Variants in GRID2 observed in about 807,000 individuals in gnomAD.
GRID2 encodes the protein glutamate ionotropic receptor delta type subunit 2.
Under a neutral mutation model 114.8 loss-of-function variants are expected in GRID2, and 33 were observed. That is an observed-to-expected ratio of 0.29 (90% CI 0.22 to 0.38). GRID2 has a LOEUF of 0.38. Among genes scored for constraint, GRID2 ranks in the 10% least tolerant of loss-of-function variants. The pLI, the probability that GRID2 is intolerant of heterozygous loss-of-function variation, is 1.00. For synonymous variants in GRID2, 505 were observed against 449.9 expected (o/e 1.12, Z -1.55); for missense variants, 1,184 against 1,257.7 (o/e 0.94, Z 0.89).
rs201135640 is a variant in GRID2, at chr4:93,632,850, C to A, written c.2360+6415C>A. The stretch of plus-strand genomic sequence containing the variant: ...GATGTTGATTCTTCCTACCCATGAG[C>A]ATGGAATGTTCTTCCATTTGTTTGT... On this transcript the variant is annotated intron_variant, in intron 14 of 15. Transcript: ENST00000282020. Among the ~76,000 whole-genome samples, 10 of 152,270 alleles carry A rather than the reference C, an allele frequency of 6.6e-5. No individual in the cohort carries two copies. The East Asian group carries it at 1.9e-3, about 29-fold the overall frequency.
intron 1 of GRID2, among the ~76,000 whole-genome samples, chr4:92,530,912 G>T (rs568512476): frequency 1.5e-4 from 23 of 151,590 alleles, no homozygotes; most frequent in Non-Finnish European, 2.5e-4. Flanking sequence ...ATCTTGGCGG[G>T]GGGGGAGAAA....
chr4:93,469,758 T>G (rs1266594693), intron 11 of GRID2, among the ~76,000 whole-genome samples: 2 of 152,100 alleles, frequency 1.3e-5, no homozygotes, highest in Admixed American at 6.5e-5. Flanking sequence ...TTGAAAATGA[T>G]GTACAGTTCT....
intron 1 of GRID2, among the ~76,000 whole-genome samples, chr4:92,533,411 T>C (rs1357841453): frequency 6.6e-6 from 1 of 151,944 alleles, no homozygotes; most frequent in Non-Finnish European, 1.5e-5. Flanking sequence ...TTAAAAGAGA[T>C]ATTGTGAAAA....
At chr4:93,297,986 C>A (rs1162341961) in intron 8 of GRID2, among the ~76,000 whole-genome samples, 2 of 152,080 alleles carry the variant, frequency 1.3e-5, no homozygotes, top group African/African-American at 4.8e-5. Flanking sequence ...TTATTTAAGT[C>A]CTAGACTTTG....
intron 2 of GRID2, among the ~76,000 whole-genome samples, chr4:92,782,239 T>C (rs1171567795): frequency 1.3e-5 from 2 of 152,068 alleles, no homozygotes; most frequent in Admixed American, 6.6e-5. Context: ...ATTTGGGGTT[T>C]ATTGGTACTT....
intron 2 of GRID2, among the ~76,000 whole-genome samples, chr4:93,070,333 GT>G (rs988606863): frequency 2.5e-4 from 38 of 151,998 alleles, no homozygotes; most frequent in African/African-American, 6.0e-4. Flanking sequence ...TGCATAGACA[GT>G]TTTTTTTCCC....
intron 8 of GRID2, among the ~76,000 whole-genome samples, chr4:93,349,553 C>T (rs765846039): frequency 1.3e-5 from 2 of 151,954 alleles, no homozygotes; most frequent in African/African-American, 2.4e-5. Flanking sequence ...TAGAATTTAG[C>T]AGAGTTTTGC....
At chr4:92,838,969 T>G (rs1332564435) in intron 2 of GRID2, 3 of 152,060 alleles carry the variant, frequency 2.0e-5, no homozygotes, top group Non-Finnish European at 4.4e-5. Flanking sequence ...CGAGCAACAA[T>G]ACAAATAAAA....
intron 1 of GRID2, among the ~76,000 whole-genome samples, chr4:92,487,638 C>T (rs1160665930): frequency 6.6e-6 from 1 of 152,116 alleles, no homozygotes; most frequent in African/African-American, 2.4e-5. Flanking sequence ...CTATATCCCA[C>T]TCCCCTGTTT....
chr4:93,237,339 T>C (rs1019065123), intron 7 of GRID2, among the ~76,000 whole-genome samples: 1 of 151,924 alleles, frequency 6.6e-6, no homozygotes, highest in Non-Finnish European at 1.5e-5. Context: ...AATAGTTTAT[T>C]GAACTCATCA....
At chr4:92,312,166 A>G (rs1725742034) in intron 1 of GRID2, among the ~76,000 whole-genome samples, 5 of 152,062 alleles carry the variant, frequency 3.3e-5, no homozygotes, top group Admixed American at 3.3e-4. Context: ...CAATTGGAGT[A>G]TAGTTCAGTG....
intron 2 of GRID2, among the ~76,000 whole-genome samples, chr4:93,063,258 T>C (rs1727966197): frequency 6.6e-6 from 1 of 151,930 alleles, no homozygotes. Context: ...GGTGTGCATG[T>C]TTTCACTCAC....
chr4:92,516,081 G>A (rs1724487227), intron 1 of GRID2, among the ~76,000 whole-genome samples: 1 of 151,786 alleles, frequency 6.6e-6, no homozygotes, highest in Non-Finnish European at 1.5e-5. Flanking sequence ...CTTGTAGTTG[G>A]GATCTTTCTG....
chr4:92,496,242 A>AAGG (rs1723383086), intron 1 of GRID2, among the ~76,000 whole-genome samples: 1 of 151,862 alleles, frequency 6.6e-6, no homozygotes, highest in East Asian at 1.9e-4. Context: ...ATATATGTAC[A>AAGG]CACTCTCCTT....
chr4:93,296,070 G>A (rs571081870), intron 8 of GRID2, among the ~76,000 whole-genome samples: 1 of 152,198 alleles, frequency 6.6e-6, no homozygotes, highest in Non-Finnish European at 1.5e-5. Context: ...GAGGCCAGAA[G>A]TTTAATACTG....
chr4:93,149,036 G>C (rs1736500713), intron 4 of GRID2, among the ~76,000 whole-genome samples: 4 of 151,972 alleles, frequency 2.6e-5, no homozygotes, highest in Admixed American at 2.6e-4. Flanking sequence ...ATTATTTTCA[G>C]GGCCCCATTC....
intron 8 of GRID2, among the ~76,000 whole-genome samples, chr4:93,255,545 G>C (rs1361274427): frequency 2.0e-5 from 3 of 152,086 alleles, no homozygotes; most frequent in African/African-American, 7.2e-5. Context: ...GTTCATGTGA[G>C]TGGACCTTTT....
intron 8 of GRID2, among the ~76,000 whole-genome samples, chr4:93,380,887 T>C (rs1763789023): frequency 6.6e-6 from 1 of 152,084 alleles, no homozygotes; most frequent in South Asian, 2.1e-4. Flanking sequence ...CTTACCTCTG[T>C]TCTACATGGC....
intron 4 of GRID2, among the ~76,000 whole-genome samples, chr4:93,157,079 C>T (rs572644954): frequency 6.6e-6 from 1 of 151,788 alleles, no homozygotes; most frequent in East Asian, 1.9e-4. Flanking sequence ...TTTACTCAAT[C>T]CCTTCTGTTA....
Sources: allele counts gnomAD v4.1 joint callset (sites outside exome capture counted in the v4.1 genomes callset), GRCh38; gene constraint gnomAD v4.1.1; transcripts MANE v1.5; gene names NCBI Gene and HGNC (gene_info 2026-07-23, HGNC 2026-07-21).